Variants in ZNF121 observed in about 807,000 individuals in gnomAD.
The protein encoded by ZNF121 is zinc finger protein 121 (clone ZHC32).
In ZNF121, 1 loss-of-function variant was observed where a neutral mutation model predicts 2.4. That is an observed-to-expected ratio of 0.41 (90% confidence interval 0.15 to 1.94). ZNF121 has a LOEUF of 1.94. ZNF121 is among the 30% of genes most tolerant of loss of function. The pLI, the probability that ZNF121 is intolerant of heterozygous loss-of-function variation, is 0.30. For synonymous variants in ZNF121, 173 were observed against 158.6 expected (o/e 1.09, Z -0.68); for missense variants, 369 against 466.3 (o/e 0.79, Z 1.92).
chr19:9,577,113 C>A (rs968550969), intron 1 of ZNF121, among the ~76,000 whole-genome samples: 11 of 152,132 alleles, frequency 7.2e-5, no homozygotes, highest in African/African-American at 2.7e-4. Flanking sequence ...GAGCATTATT[C>A]TCATATCAAA....
chr19:9,575,069 T>G (rs2074200677), intron 1 of ZNF121, among the ~76,000 whole-genome samples: 1 of 152,198 alleles, frequency 6.6e-6, no homozygotes, highest in Non-Finnish European at 1.5e-5. Flanking sequence ...TGGGCCACCT[T>G]GCTTAGCTAT....
Position 9,561,091 on chromosome 19 carries a change from G to A in ZNF121, c.*4849C>T, listed in dbSNP as rs879267189. On this transcript the variant is annotated 3_prime_UTR_variant, in exon 4 of 4. Coordinates refer to ENST00000320451, the MANE Select transcript of ZNF121 (RefSeq NM_001008727.5). ...GAAATAACCCAGCAGTGCTGCAGTG[G>A]AATTAAAAGTGTTGGCTTGTGGTCA... 1.3e-5 allele frequency: 2 copies of A among 152,182 alleles called. No individual in the cohort carries two copies. Among genetic ancestry groups the A allele is most frequent in the Non-Finnish European group, 2.9e-5 (2 of 68,028 alleles). The allele number at this position is 152,182 out of a possible 1,614,324, so 9.4% of individuals were successfully genotyped here.
chr19:9,565,907 GATTTCCACATTCCTTAC>G lies in ZNF121; in HGVS notation c.*16_*32del. ...ATTATGGTATGAGAAATTCCTAAAA[GATTTCCACATTCCTTAC>G]ATTCAGAGTTTTTCTTCAGTGTGTT... is the stretch of plus-strand genomic sequence containing the variant. On this transcript the variant is annotated 3_prime_UTR_variant, in exon 4 of 4. Transcript: ENST00000320451. The G allele has an allele frequency of 6.9e-7, 1 of 1,456,464 alleles. No individual in the cohort carries two copies. The highest frequency in any genetic ancestry group is 9.2e-7 in the Non-Finnish European group (1 of 1,086,222). 90.2% of individuals were successfully genotyped at this position (1,456,464 alleles called of 1,614,324 possible).
In ZNF121 at chr19:9,566,331, C is replaced by A. The variant is rs751924032; in HGVS notation, c.782G>T (p.Cys261Phe). The change falls in exon 4 of 4, where the codon TGT becomes TTT. Residue 261 changes from cysteine (C) to phenylalanine (F), a missense_variant. Cys to Phe is a radical substitution (Grantham distance 205, BLOSUM62 -2). Around this residue, in one of 4 missense-constraint regions of ZNF121, gnomAD observed 127 missense variants for 169.9 expected, o/e 0.75. Transcript: ENST00000320451. ...TEEKPFECKV[C>F]GKSFRSSSCL... ...TGAAGAGCTTCTGAAGGATTTTCCA[C>A]ATACCTTACATTCAAAGGGCTTCTC... 1 of 1,613,962 alleles carries A rather than the reference C, an allele frequency of 6.2e-7. No individual in the cohort carries two copies. The highest frequency in any genetic ancestry group is 2.2e-5 in the East Asian group (1 of 44,860).
At chr19:9,579,629 C>G (rs139585644) in intron 1 of ZNF121, among the ~76,000 whole-genome samples, 4,580 of 152,272 alleles carry the variant, frequency 0.03, 231 homozygotes, top group African/African-American at 0.11. Context: ...GATCATGCCA[C>G]TGCATTCCAG....
chr19:9,583,204 A>G (rs1042540644), intron 1 of ZNF121, among the ~76,000 whole-genome samples: 3 of 150,882 alleles, frequency 2.0e-5, no homozygotes, highest in Non-Finnish European at 1.5e-5. Flanking sequence ...GCGACAGAGC[A>G]AGACTCCGTC....
chr19:9,565,961 A>G lies in ZNF121; in HGVS notation c.1152T>C (p.Thr384=), dbSNP rs1210382283. 1.9e-6 allele frequency: 3 copies of G among 1,569,328 alleles called. No individual in the cohort carries two copies. The highest frequency in any genetic ancestry group is 4.5e-5 in the East Asian group (2 of 44,270). Residue 384 remains threonine (T), a synonymous_variant, in exon 4 of 4, where the codon ACT becomes ACC. Coordinates refer to ENST00000320451, the MANE Select transcript of ZNF121 (RefSeq NM_001008727.5). ...GKAYNRFYLL[T]KHLKTH ...TTCTTCAGTGTGTTTTTAAATGTTTAGTAAGTAAATAAAATCTATTGTAGG... is the reference window on the plus strand; with the variant it reads ...TTCTTCAGTGTGTTTTTAAATGTTTGGTAAGTAAATAAAATCTATTGTAGG...
At chr19:9,578,201 T>G (rs1226442273) in intron 1 of ZNF121, among the ~76,000 whole-genome samples, 1 of 151,876 alleles carries the variant, frequency 6.6e-6, no homozygotes, top group Non-Finnish European at 1.5e-5. Context: ...ATCACACCAC[T>G]GCATTCCAGC....
In ZNF121 at chr19:9,568,195, A is replaced by G; in HGVS notation, c.-78-20T>C. ...GCCATTCTGAAGTAAAACAGAAAAA[A>G]AGAAAAAAAAATAGGGTCTGAGAAC... On this transcript the variant is annotated intron_variant, in intron 2 of 3. Coordinates refer to ENST00000320451, the MANE Select transcript of ZNF121 (RefSeq NM_001008727.5). 1 of 1,295,374 alleles carries G rather than the reference A, an allele frequency of 7.7e-7. No homozygotes were observed. Among genetic ancestry groups the G allele is most frequent in the African/African-American group, 1.5e-5 (1 of 67,080 alleles). The allele number at this position is 1,295,374 out of a possible 1,614,324, so 80.2% of individuals were successfully genotyped here.
At chr19:9,571,762 A>G (rs114572488) in intron 1 of ZNF121, among the ~76,000 whole-genome samples, 1 of 152,198 alleles carries the variant, frequency 6.6e-6, no homozygotes, top group African/African-American at 2.4e-5. Context: ...CATTTTTAAA[A>G]ATTAGAGACA....
chr19:9,571,726 A>C (rs541872781), intron 1 of ZNF121, among the ~76,000 whole-genome samples: 47 of 152,276 alleles, frequency 3.1e-4, no homozygotes, highest in African/African-American at 1.1e-3. Flanking sequence ...TACTGATCAT[A>C]TCCAATGAAT....
At chr19:9,581,725 TA>T (rs1332064088) in intron 1 of ZNF121, among the ~76,000 whole-genome samples, 1 of 152,184 alleles carries the variant, frequency 6.6e-6, no homozygotes, top group East Asian at 1.9e-4. Flanking sequence ...AATTGCAATG[TA>T]AAAATCTTGA....
chr19:9,580,977 C>T (rs988924260), intron 1 of ZNF121, among the ~76,000 whole-genome samples: 2 of 152,166 alleles, frequency 1.3e-5, no homozygotes, highest in African/African-American at 2.4e-5. Context: ...CCCCAAAGCA[C>T]GAAGTACATA....
At chr19:9,578,197 C>T (rs1321900379) in intron 1 of ZNF121, among the ~76,000 whole-genome samples, 2 of 151,822 alleles carry the variant, frequency 1.3e-5, no homozygotes, top group Non-Finnish European at 2.9e-5. Flanking sequence ...CCAGATCACA[C>T]CACTGCATTC....
chr19:9,567,588 G>C (rs141489683), intron 3 of ZNF121: 2 of 248,616 alleles, frequency 8.0e-6, no homozygotes, highest in Non-Finnish European at 1.7e-5. Context: ...TACATTTACT[G>C]TGACTTTATT....
At chr19:9,579,666 T>C (rs1209054234) in intron 1 of ZNF121, among the ~76,000 whole-genome samples, 3 of 151,980 alleles carry the variant, frequency 2.0e-5, no homozygotes, top group South Asian at 4.1e-4. Flanking sequence ...ACTCCGTCTC[T>C]AGAAAAAAAA....
chr19:9,567,104 T>G lies in ZNF121; in HGVS notation c.9A>C (p.Glu3Asp), dbSNP rs1328415508. MA[E>D]IHNGGELCDF... ...CACAGAGTTCCCCTCCATTGTGGATTTCTGCCTGTTAATAAAGGGATGAAT... is the reference window on the plus strand; with the variant it reads ...CACAGAGTTCCCCTCCATTGTGGATGTCTGCCTGTTAATAAAGGGATGAAT... The change falls in exon 4 of 4, where the codon GAA (glutamate) becomes GAC (aspartate). Residue 3 changes from glutamate (E) to aspartate (D), a missense_variant. Glu to Asp is a conservative substitution (Grantham distance 45, BLOSUM62 2). Transcript: ENST00000320451. 1 of 1,605,472 alleles carries G rather than the reference T, an allele frequency of 6.2e-7. No homozygotes were observed. The highest frequency in any genetic ancestry group is 8.5e-7 in the Non-Finnish European group (1 of 1,175,634).
At chr19:9,568,582 C>T (rs12982118) in intron 2 of ZNF121, among the ~76,000 whole-genome samples, 50,600 of 151,806 alleles carry the variant, frequency 0.33, 9,409 homozygotes, top group East Asian at 0.54. Flanking sequence ...TCCATGTTGG[C>T]CAGGCTGGTC....
At chr19:9,573,364 A>G (rs1443240993) in intron 1 of ZNF121, among the ~76,000 whole-genome samples, 1 of 152,240 alleles carries the variant, frequency 6.6e-6, no homozygotes, top group Non-Finnish European at 1.5e-5. Context: ...AGAAATACTC[A>G]ACTCAAAAGT....
Sources: allele counts gnomAD v4.1 joint callset (sites outside exome capture counted in the v4.1 genomes callset), GRCh38; gene constraint gnomAD v4.1.1; regional missense constraint gnomAD v4.1.1; transcripts MANE v1.5; gene names NCBI Gene and HGNC (gene_info 2026-07-23, HGNC 2026-07-21).